The following OPRM1 variants were observed in gnomAD, a reference collection of about 807,000 sequenced individuals.
OPRM1 encodes the protein opioid receptor mu 1, also known as mu-type opioid receptor.
OPRM1 carries 27 observed loss-of-function variants against 31.8 expected under a neutral mutation model. The ratio of observed to expected loss-of-function variants is 0.85; its 90% CI spans 0.63 to 1.17. The LOEUF is 1.17. OPRM1 is among the 50% of genes most tolerant of loss of function. The pLI is 0.00. For missense variants in OPRM1, 536 were observed against 511.1 expected (o/e 1.05, Z -0.47); for synonymous variants, 196 against 189.9 (o/e 1.03, Z -0.26).
intron 1 of OPRM1, among the ~76,000 whole-genome samples, chr6:154,014,058 G>A (rs73788950): frequency 0.014 from 2,112 of 152,268 alleles, 66 homozygotes; most frequent in African/African-American, 0.049. Context: ...ATCTACCATG[G>A]CGTGGATGCT....
At chr6:154,186,213 C>T (rs1801329627) in intron 3 of OPRM1, among the ~76,000 whole-genome samples, 1 of 152,228 alleles carries the variant, frequency 6.6e-6, no homozygotes, top group African/African-American at 2.4e-5. Flanking sequence ...TTCTGTGAGG[C>T]ATTTCAAATT....
intron 1 of OPRM1, among the ~76,000 whole-genome samples, chr6:154,070,865 G>T (rs1786557606): frequency 6.6e-6 from 1 of 152,164 alleles, no homozygotes; most frequent in African/African-American, 2.4e-5. Context: ...AGCCAACTTT[G>T]CTCTTAAGAT....
chr6:154,019,069 A>G (rs1778183582), intron 1 of OPRM1, among the ~76,000 whole-genome samples: 1 of 151,964 alleles, frequency 6.6e-6, no homozygotes, highest in Non-Finnish European at 1.5e-5. Flanking sequence ...TGCCAAATCG[A>G]GCACCCAACC....
chr6:154,016,953 T>C (rs949385484), intron 1 of OPRM1, among the ~76,000 whole-genome samples: 1 of 152,178 alleles, frequency 6.6e-6, no homozygotes, highest in Admixed American at 6.6e-5. Flanking sequence ...GAAATAATGA[T>C]TGGGGTTTGT....
intron 3 of OPRM1, among the ~76,000 whole-genome samples, chr6:154,203,349 C>A (rs1039401398): frequency 3.9e-5 from 6 of 152,262 alleles, no homozygotes; most frequent in Non-Finnish European, 8.8e-5. Context: ...GCGGTTATTT[C>A]TATCATAATA....
At chr6:154,055,696 G>A (rs907471866) in intron 1 of OPRM1, among the ~76,000 whole-genome samples, 1 of 152,074 alleles carries the variant, frequency 6.6e-6, no homozygotes, top group African/African-American at 2.4e-5. Flanking sequence ...CAAAACCATC[G>A]TGTCAAGGAC....
At chr6:154,065,218 C>T (rs144627832) in intron 1 of OPRM1, among the ~76,000 whole-genome samples, 255 of 150,052 alleles carry the variant, frequency 1.7e-3, no homozygotes, top group Non-Finnish European at 2.8e-3. Flanking sequence ...GGCACGATCT[C>T]GGCTCACTGC....
chr6:154,084,096 T>C (rs1789892452), intron 1 of OPRM1, among the ~76,000 whole-genome samples: 1 of 152,080 alleles, frequency 6.6e-6, no homozygotes, highest in Admixed American at 6.5e-5. Flanking sequence ...CTTTTTGAGG[T>C]AAACTAGCAA....
rs114043042 is a variant in OPRM1, at chr6:154,124,589, A to G, written c.*5868A>G. Among the ~76,000 whole-genome samples, 736 of 152,260 alleles carry G rather than the reference A, an allele frequency of 4.8e-3. 4 individuals carry two copies. Among genetic ancestry groups the G allele is most frequent in the African/African-American group, 0.016 (654 of 41,542 alleles). ...GGGTGAGCCCTTCCTTTTTGTCTCAATCTCAAAAAACAGTAAGTCTTTAAT... is the reference window on the plus strand; with the variant it reads ...GGGTGAGCCCTTCCTTTTTGTCTCAGTCTCAAAAAACAGTAAGTCTTTAAT... On this transcript the variant is annotated 3_prime_UTR_variant, in exon 4 of 4. Transcript: ENST00000330432.
At chr6:154,173,928 T>C (rs556495510) in intron 3 of OPRM1, among the ~76,000 whole-genome samples, 1 of 152,236 alleles carries the variant, frequency 6.6e-6, no homozygotes, top group Non-Finnish European at 1.5e-5. Flanking sequence ...GAGAGAAAGG[T>C]TGGGTTACCT....
In OPRM1 at chr6:154,128,009, T is replaced by C. The variant is rs1797689849; in HGVS notation, c.*9288T>C. On this transcript the variant is annotated 3_prime_UTR_variant, in exon 4 of 4. Transcript: ENST00000330432. The stretch of plus-strand genomic sequence containing the variant: ...AGGGACCAGAGAAAACCAATAGGCC[T>C]ACTCCCCAGCTGAGTACTTTCCATG... 6.6e-6 allele frequency among the ~76,000 whole-genome samples: 1 copy of C among 152,222 alleles called. No homozygotes were observed. Among genetic ancestry groups the C allele is most frequent in the African/African-American group, 2.4e-5 (1 of 41,444 alleles).
At chr6:154,199,141 G>A (rs1301100892) in intron 3 of OPRM1, among the ~76,000 whole-genome samples, 3 of 152,152 alleles carry the variant, frequency 2.0e-5, no homozygotes, top group Non-Finnish European at 4.4e-5. Context: ...TCCTTTATAT[G>A]TAAAGGTTCT....
chr6:154,145,736 T>C (rs993991256), intron 3 of OPRM1, among the ~76,000 whole-genome samples: 1 of 152,244 alleles, frequency 6.6e-6, no homozygotes, highest in Non-Finnish European at 1.5e-5. Flanking sequence ...TCGATACTTA[T>C]GTAGCTACAG....
chr6:154,091,060 C>T lies in OPRM1; in HGVS notation c.752C>T (p.Thr251Ile). ...FAFIMPVLII[T>I]VCYGLMILRL... Reference sequence around the variant, plus strand: ...TTCATTATGCCAGTGCTCATCATTACCGTGTGCTATGGACTGATGATCTTG... The same window carrying T: ...TTCATTATGCCAGTGCTCATCATTATCGTGTGCTATGGACTGATGATCTTG... The change falls in exon 3 of 4, where the codon ACC (threonine) becomes ATC (isoleucine). Residue 251 changes from threonine to isoleucine, a missense_variant. By Grantham distance (89) the Thr-to-Ile change is moderately conservative. Transcript: ENST00000330432. 1.2e-6 allele frequency: 2 copies of T among 1,614,188 alleles called. No homozygotes were observed. Among genetic ancestry groups the T allele is most frequent in the South Asian group, 2.2e-5 (2 of 91,084 alleles).
rs1273176627 is a variant in OPRM1, at chr6:154,089,660, C to T, written c.291-166C>T. ...ATTGCAGCTATTTAGCCAATAGGTACATCATTGACATCATTGTAAATAGCC... is the reference window on the plus strand; with the variant it reads ...ATTGCAGCTATTTAGCCAATAGGTATATCATTGACATCATTGTAAATAGCC... On this transcript the variant is annotated intron_variant, in intron 1 of 3. Coordinates refer to ENST00000330432, the MANE Select transcript of OPRM1 (RefSeq NM_000914.5). 6.8e-6 allele frequency: 4 copies of T among 587,872 alleles called. 1 individual carries two copies. The highest frequency in any genetic ancestry group is 4.0e-4 in the Middle Eastern group (1 of 2,490). The allele number at this position is 587,872 out of a possible 1,614,324, so 36.4% of individuals were successfully genotyped here.
intron 3 of OPRM1, among the ~76,000 whole-genome samples, chr6:154,246,313 T>A (rs1781038851): frequency 6.6e-6 from 1 of 152,178 alleles, no homozygotes; most frequent in Non-Finnish European, 1.5e-5. Context: ...GTAACATTAA[T>A]AACAGAACTT....
chr6:154,199,031 T>C (rs1583777226), intron 3 of OPRM1, among the ~76,000 whole-genome samples: 1 of 152,340 alleles, frequency 6.6e-6, no homozygotes, highest in East Asian at 1.9e-4. Context: ...GGACCAGTTA[T>C]CAGAGTATTT....
In OPRM1 at chr6:154,087,382, A is replaced by G. The variant is rs143964662; in HGVS notation, c.291-2444A>G. 4.1e-6 allele frequency: 4 copies of G among 985,464 alleles called. No homozygotes were observed. The East Asian group carries it at 4.5e-4, about 112-fold the overall frequency. 61.0% of individuals were successfully genotyped at this position (985,464 alleles called of 1,614,324 possible). On this transcript the variant is annotated intron_variant, in intron 1 of 3. Coordinates refer to ENST00000330432, the MANE Select transcript of OPRM1 (RefSeq NM_000914.5). Reference sequence around the variant, plus strand: ...TCTTGGGCTGAATGAGTTAGACTCAACCTCGTGTGACGGAAAAACAGTAAA... The same window carrying G: ...TCTTGGGCTGAATGAGTTAGACTCAGCCTCGTGTGACGGAAAAACAGTAAA...
chr6:154,196,418 A>AT (rs923959640), intron 3 of OPRM1, among the ~76,000 whole-genome samples: 1 of 151,488 alleles, frequency 6.6e-6, no homozygotes, highest in Non-Finnish European at 1.5e-5. Flanking sequence ...ACAATGTTTT[A>AT]TTTTTTTTAA....
Sources: gnomAD v4.1 joint callset for allele counts (sites outside exome capture counted in the v4.1 genomes callset) on GRCh38, gnomAD v4.1.1 for gene constraint, MANE v1.5 for transcripts, NCBI Gene and HGNC (gene_info 2026-07-23, HGNC 2026-07-21) for gene names.